CAST: variants seen among roughly 807,000 people sequenced by gnomAD.
CAST encodes calpastatin, also known as MIR583 host.
Under a neutral mutation model 119.6 loss-of-function variants are expected in CAST, and 76 were observed. The observed-to-expected ratio is 0.64, with a 90% CI of 0.53 to 0.77. CAST has a LOEUF of 0.77. Among genes scored for constraint, CAST ranks in the 30% least tolerant of loss-of-function variants. CAST has a pLI of 0.00. For synonymous variants in CAST, 319 were observed against 331.6 expected (o/e 0.96, Z 0.41); for missense variants, 953 against 946.5 (o/e 1.01, Z -0.09).
chr5:96,526,273 GAGCT>G (rs1226869010), upstream of CAST, among the ~76,000 whole-genome samples: 1 of 152,174 alleles, frequency 6.6e-6, no homozygotes, highest in Non-Finnish European at 1.5e-5. Context: ...ATAGCATTCT[GAGCT>G]ATAGGAAGGA....
the CAST span, among the ~76,000 whole-genome samples, chr5:96,005,329 C>A: frequency 9.9e-5 from 15 of 152,014 alleles, no homozygotes; most frequent in Non-Finnish European, 1.9e-4. Flanking sequence ...AATGGACACT[C>A]TGGAATAGAA....
the CAST span, among the ~76,000 whole-genome samples, chr5:96,087,360 A>C: frequency 6.6e-6 from 1 of 152,206 alleles, no homozygotes; most frequent in Non-Finnish European, 1.5e-5. Flanking sequence ...AATCTTCTTA[A>C]AATTCAAACT....
chr5:96,103,358 C>G, the CAST span, among the ~76,000 whole-genome samples: 1 of 120,430 alleles, frequency 8.3e-6, no homozygotes, highest in Non-Finnish European at 1.7e-5. Context: ...CCTCCCCCCA[C>G]CCCACAACAG....
intron 1 of CAST, among the ~76,000 whole-genome samples, chr5:96,667,742 G>A (rs969295051): frequency 0.043 from 12 of 278 alleles, no homozygotes; most frequent in African/African-American, 0.17. Flanking sequence ...GGCTGGGTGC[G>A]GTTGGCTCAC....
chr5:96,630,916 A>G (rs1350218850), intron 1 of CAST: 2 of 106,738 alleles, frequency 1.9e-5, no homozygotes, highest in African/African-American at 6.1e-5. Flanking sequence ...GTTTTGGTCT[A>G]CAATTGATTC....
At chr5:95,961,433 G>GGCCCT in the CAST span, 27 of 1,050,334 alleles carry the variant, frequency 2.6e-5, no homozygotes, top group Non-Finnish European at 3.3e-5. Context: ...CACCCTGCCC[G>GGCCCT]GCCCTGCCCT....
At chr5:96,390,047 G>A in the CAST span, among the ~76,000 whole-genome samples, 6 of 152,220 alleles carry the variant, frequency 3.9e-5, no homozygotes, top group African/African-American at 1.4e-4. Flanking sequence ...TTGGTGAAAT[G>A]TTGGGAATCA....
At chr5:96,412,035 G>A in the CAST span, among the ~76,000 whole-genome samples, 2,410 of 152,202 alleles carry the variant, frequency 0.016, 68 homozygotes, top group African/African-American at 0.054. Flanking sequence ...TAATTTTTGT[G>A]TTTTTAGTAG....
At chr5:96,605,831 T>C (rs766803433) in intron 1 of CAST, among the ~76,000 whole-genome samples, 1 of 152,206 alleles carries the variant, frequency 6.6e-6, no homozygotes, top group Non-Finnish European at 1.5e-5. Flanking sequence ...CAGTGGACTA[T>C]AGAGAGAGAG....
At chr5:96,258,765 T>G in the CAST span, among the ~76,000 whole-genome samples, 1 of 152,162 alleles carries the variant, frequency 6.6e-6, no homozygotes, top group Non-Finnish European at 1.5e-5. Flanking sequence ...TTATACTGTT[T>G]CATAATGAAT....
At chr5:96,423,560 G>A in the CAST span, 1 of 1,061,170 alleles carries the variant, frequency 9.4e-7, no homozygotes, top group Non-Finnish European at 1.4e-6. Context: ...CTTTTTCCTT[G>A]GGTCACTCTA....
the CAST span, among the ~76,000 whole-genome samples, chr5:96,189,120 A>T: frequency 2.0e-5 from 3 of 152,084 alleles, no homozygotes; most frequent in Admixed American, 1.3e-4. Context: ...TGTTGCTTCT[A>T]TGTCTGCTAT....
At chr5:96,553,093 CAG>C (rs1746166190) in intron 1 of CAST, among the ~76,000 whole-genome samples, 1 of 152,090 alleles carries the variant, frequency 6.6e-6, no homozygotes, top group Admixed American at 6.5e-5. Context: ...CAAAGCTTGG[CAG>C]AGACACAACA....
the CAST span, among the ~76,000 whole-genome samples, chr5:96,499,292 T>A: frequency 6.6e-6 from 1 of 152,152 alleles, no homozygotes; most frequent in Non-Finnish European, 1.5e-5. Flanking sequence ...TGGGTTTGGT[T>A]CCAGACCACT....
At chr5:96,721,690 T>C (rs1758292311) in intron 3 of CAST, among the ~76,000 whole-genome samples, 1 of 152,166 alleles carries the variant, frequency 6.6e-6, no homozygotes, top group African/African-American at 2.4e-5. Context: ...TTAAGGAGGT[T>C]TAAATGAGTC....
the CAST span, among the ~76,000 whole-genome samples, chr5:96,313,589 A>G: frequency 6.6e-6 from 1 of 152,196 alleles, no homozygotes; most frequent in Non-Finnish European, 1.5e-5. Flanking sequence ...AACTTTAAGC[A>G]TTTATGAATA....
upstream of CAST, among the ~76,000 whole-genome samples, chr5:96,526,788 G>A (rs1745602820): frequency 6.6e-6 from 1 of 152,168 alleles, no homozygotes; most frequent in Non-Finnish European, 1.5e-5. Context: ...CAACTTAGAG[G>A]TTGATTTTGC....
chr5:96,174,443 A>G, the CAST span, among the ~76,000 whole-genome samples: 1 of 152,230 alleles, frequency 6.6e-6, no homozygotes, highest in Non-Finnish European at 1.5e-5. Flanking sequence ...TCCTCCGCAG[A>G]CAGGAGGAGT....
chr5:96,549,407 A>T (rs935920211), intron 1 of CAST, among the ~76,000 whole-genome samples: 1 of 152,366 alleles, frequency 6.6e-6, no homozygotes, highest in East Asian at 1.9e-4. Context: ...AAATAAATAA[A>T]TGTTTAAAAA....
Sources: allele counts gnomAD v4.1 joint callset (sites outside exome capture counted in the v4.1 genomes callset), GRCh38; gene constraint gnomAD v4.1.1; transcripts MANE v1.5; gene names NCBI Gene and HGNC (gene_info 2026-07-23, HGNC 2026-07-21).